The following OCA2 variants were observed in gnomAD, a reference collection of about 807,000 sequenced individuals.
The protein encoded by OCA2 is P protein.
OCA2 carries 77 observed loss-of-function variants against 100.2 expected under a neutral mutation model. That is an observed-to-expected ratio of 0.77 (90% confidence interval 0.64 to 0.93). OCA2 has a LOEUF of 0.93. Among genes scored for constraint, OCA2 ranks in the 40% least tolerant of loss-of-function variants. The probability of loss-of-function intolerance (pLI) is 0.00; values close to 1 mark genes in which losing one functional copy is unlikely to be tolerated. For synonymous variants in OCA2, 432 were observed against 439.2 expected (o/e 0.98, Z 0.21); for missense variants, 1,062 against 1,089.1 (o/e 0.98, Z 0.35).
intron 18 of OCA2, among the ~76,000 whole-genome samples, chr15:27,949,829 T>A (rs1055862453): frequency 6.6e-6 from 1 of 152,242 alleles, no homozygotes; most frequent in Admixed American, 6.5e-5. Flanking sequence ...GGAAACTGTA[T>A]TCCATTAAAA....
intron 2 of OCA2, among the ~76,000 whole-genome samples, chr15:28,065,456 T>G (rs1386590390): frequency 6.6e-6 from 1 of 152,198 alleles, no homozygotes; most frequent in East Asian, 1.9e-4. Context: ...CTTTTCCAGC[T>G]TATGTTCTGA....
At chr15:27,971,615 G>A (rs981501413) in intron 14 of OCA2, among the ~76,000 whole-genome samples, 1 of 152,126 alleles carries the variant, frequency 6.6e-6, no homozygotes. Flanking sequence ...AAATTCCACC[G>A]ACAGAGAGTT....
At chr15:28,073,076 A>G (rs1042999799) in intron 2 of OCA2, among the ~76,000 whole-genome samples, 1 of 152,210 alleles carries the variant, frequency 6.6e-6, no homozygotes, top group Non-Finnish European at 1.5e-5. Flanking sequence ...TGGATAAAGA[A>G]AATGTGGTTC....
chr15:27,855,533 C>T (rs1321013360), intron 21 of OCA2, among the ~76,000 whole-genome samples: 1 of 152,246 alleles, frequency 6.6e-6, no homozygotes, highest in Non-Finnish European at 1.5e-5. Flanking sequence ...AGAAGTCTCC[C>T]TGAGTTCCTC....
chr15:27,887,802 G>T (rs2037291158), intron 19 of OCA2, among the ~76,000 whole-genome samples: 1 of 151,380 alleles, frequency 6.6e-6, no homozygotes, highest in South Asian at 2.1e-4. Context: ...AGGTGGGCTT[G>T]TTCCTCCCTT....
intron 14 of OCA2, among the ~76,000 whole-genome samples, chr15:27,971,015 A>C (rs561939452): frequency 6.6e-6 from 1 of 150,440 alleles, no homozygotes; most frequent in African/African-American, 2.4e-5. Context: ...CCAGCATGCA[A>C]GGCATGGTGG....
At chr15:28,023,804 G>A (rs998980177) in intron 5 of OCA2, among the ~76,000 whole-genome samples, 22 of 151,882 alleles carry the variant, frequency 1.4e-4, no homozygotes, top group Non-Finnish European at 4.4e-5. Flanking sequence ...TCACACAGGT[G>A]CACACACAGA....
At chr15:28,031,281 G>C (rs564567093) in intron 3 of OCA2, among the ~76,000 whole-genome samples, 1 of 152,108 alleles carries the variant, frequency 6.6e-6, no homozygotes, top group African/African-American at 2.4e-5. Context: ...TCAGCTTTGT[G>C]CTTGAATAAA....
intron 23 of OCA2, among the ~76,000 whole-genome samples, chr15:27,825,293 A>C (rs896784484): frequency 3.9e-5 from 6 of 152,100 alleles, no homozygotes; most frequent in Non-Finnish European, 5.9e-5. Flanking sequence ...GCCCAAGCCC[A>C]CGCGTCAGGA....
rs1350795429 is a variant in OCA2 at position 27,997,102 on chromosome 15, GAAAGA to G, written c.1045-6460_1045-6456del. On this transcript the variant is annotated intron_variant, in intron 9 of 23. Coordinates refer to ENST00000354638, the MANE Select transcript of OCA2 (RefSeq NM_000275.3). ...AAAGAGAGAGAAAGAAAGAAAGGAA[GAAAGA>G]AAAGAAAGGAAGGAAGGAAGGAAGA... is the stretch of plus-strand genomic sequence containing the variant. Among the ~76,000 whole-genome samples the G allele has an allele frequency of 4.6e-5, 4 of 87,468 alleles. No homozygotes were observed. The South Asian group carries it at 1.1e-3, about 25-fold the overall frequency. The allele number at this position is 87,468 out of a possible 152,430, so 57.4% of individuals were successfully genotyped here. A position where few individuals can be genotyped will look rare whatever the true frequency, so the allele number is the denominator to read the frequency against.
intron 2 of OCA2, among the ~76,000 whole-genome samples, chr15:28,080,952 T>G (rs1052566172): frequency 1.3e-5 from 2 of 152,204 alleles, no homozygotes; most frequent in African/African-American, 4.8e-5. Context: ...TGCAGCAACA[T>G]GGATGTAGCT....
At chr15:27,881,718 C>A (rs902899636) in intron 19 of OCA2, among the ~76,000 whole-genome samples, 1 of 152,012 alleles carries the variant, frequency 6.6e-6, no homozygotes, top group Admixed American at 6.6e-5. Flanking sequence ...TGGTGATATC[C>A]TCTTTATCAT....
intron 2 of OCA2, among the ~76,000 whole-genome samples, chr15:28,069,373 T>C (rs188803534): frequency 5.1e-3 from 43 of 8,372 alleles, no homozygotes; most frequent in South Asian, 0.05. Context: ...CCTCTCCCTC[T>C]CCCTCTCCCT....
rs114608416 is a variant in OCA2 at position 27,848,287 on chromosome 15, C to T, written c.2338+3095G>A. Among the ~76,000 whole-genome samples the T allele has an allele frequency of 5.2e-3, 794 of 152,300 alleles. 10 individuals are homozygous for T. The highest frequency in any genetic ancestry group is 0.018 in the African/African-American group (739 of 41,558). ...CTGCTTCCTCTGTGTTTATGAGGAC[C>T]ATCACCACCTTCCCCAGCATCTCCT... On this transcript the variant is annotated intron_variant, in intron 22 of 23. Coordinates refer to ENST00000354638, the MANE Select transcript of OCA2 (RefSeq NM_000275.3).
chr15:27,895,975 C>A, intron 19 of OCA2: 2 of 765,852 alleles, frequency 2.6e-6, no homozygotes, highest in East Asian at 2.5e-5. Flanking sequence ...TGAAGGTTGG[C>A]CTGACCAATT....
chr15:27,800,546 AAAT>A (rs2033552094), intron 23 of OCA2, among the ~76,000 whole-genome samples: 1 of 152,336 alleles, frequency 6.6e-6, no homozygotes, highest in Admixed American at 6.5e-5. Context: ...GATAATAAGT[AAAT>A]AATATGAACT....
intron 9 of OCA2, among the ~76,000 whole-genome samples, chr15:27,992,678 G>A (rs150836675): frequency 3.5e-4 from 54 of 152,324 alleles, no homozygotes; most frequent in African/African-American, 1.2e-3. Flanking sequence ...ACAGCCCATG[G>A]ATGACAGGAG....
chr15:27,938,656 G>A (rs2039541967), intron 18 of OCA2, among the ~76,000 whole-genome samples: 1 of 152,208 alleles, frequency 6.6e-6, no homozygotes, highest in South Asian at 2.1e-4. Flanking sequence ...CACAGACACA[G>A]ACACAGAGGC....
the OCA2 span, among the ~76,000 whole-genome samples, chr15:27,748,841 A>C: frequency 6.6e-6 from 1 of 152,232 alleles, no homozygotes; most frequent in Admixed American, 6.5e-5. Context: ...GATAAAATAA[A>C]AATAAAATAC....
Sources: gnomAD v4.1 joint callset for allele counts (sites outside exome capture counted in the v4.1 genomes callset) on GRCh38, gnomAD v4.1.1 for gene constraint, MANE v1.5 for transcripts, NCBI Gene and HGNC (gene_info 2026-07-23, HGNC 2026-07-21) for gene names.